SIK3: variants seen among roughly 807,000 people sequenced by gnomAD.
The protein encoded by SIK3 is SIK family kinase 3.
Under a neutral mutation model 144.2 loss-of-function variants are expected in SIK3, and 28 were observed. That is an observed-to-expected ratio of 0.19 (90% CI 0.14 to 0.27). The LOEUF is 0.27. SIK3 is among the 10% of genes least tolerant of loss of function. The pLI is 1.00. For synonymous variants in SIK3, 686 were observed against 676.3 expected, an observed-to-expected ratio of 1.01 and a Z score of -0.22; for missense variants, 1,319 against 1,776.0, an observed-to-expected ratio of 0.74 and a Z score of 4.62.
At chr11:116,991,391 G>A (rs1950496846) in intron 1 of SIK3, among the ~76,000 whole-genome samples, 1 of 152,200 alleles carries the variant, frequency 6.6e-6, no homozygotes, top group Non-Finnish European at 1.5e-5. Flanking sequence ...AGGTTGCAGT[G>A]AGTCGAGATC....
chr11:116,940,876 G>A (rs1201356376), intron 3 of SIK3, among the ~76,000 whole-genome samples: 3 of 151,926 alleles, frequency 2.0e-5, no homozygotes, highest in Admixed American at 6.6e-5. Flanking sequence ...AATAATAAAT[G>A]GGAAATTAAT....
At chr11:116,875,097 T>C (rs1944177131) in intron 11 of SIK3, 61 bp downstream of exon 11, 1 of 1,360,728 alleles carries the variant, frequency 7.3e-7, no homozygotes, top group African/African-American at 1.4e-5. Flanking sequence ...TGGTAGACAC[T>C]GAAAGTCAGG....
chr11:116,863,802 A>G lies in SIK3; in HGVS notation c.1969T>C (p.Ser657Pro), dbSNP rs1352937328. 2 of 1,612,568 alleles carry G rather than the reference A, an allele frequency of 1.2e-6. No homozygotes were observed. The highest frequency in any genetic ancestry group is 3.3e-5 in the Admixed American group (2 of 59,888). The change falls in exon 16 of 25, where the codon TCC becomes CCC. Residue 657 changes from serine (S) to proline (P), a missense_variant. By Grantham distance (74) the Ser-to-Pro change is moderately conservative (BLOSUM62 -1). Coordinates refer to ENST00000445177, the MANE Select transcript of SIK3 (RefSeq NM_001366686.3). ...TCCGTAGGGAGGTGCAGAGTGTTGG[A>G]GTCCTTGTAGGTAGAGCTGAATATA... The part of the protein sequence containing the change: ...PDQHRSTYKD[S>P]NTLHLPTERF...
At chr11:116,845,974 G>A (rs1418734463) in intron 24 of SIK3, among the ~76,000 whole-genome samples, 1 of 152,166 alleles carries the variant, frequency 6.6e-6, no homozygotes, top group African/African-American at 2.4e-5. Context: ...AAAAAATATG[G>A]CTGGACATAT....
At chr11:117,079,665 A>T (rs1954698576) in intron 1 of SIK3, among the ~76,000 whole-genome samples, 1 of 152,188 alleles carries the variant, frequency 6.6e-6, no homozygotes, top group South Asian at 2.1e-4. Flanking sequence ...ATTTAAAAAC[A>T]AAACCATAAA....
Position 116,844,642 on chromosome 11 carries a change from A to AT in SIK3, c.*1000dup, listed in dbSNP as rs1565345720. ...TAATATATATATAATATATTATATT[A>AT]TATATTATATATATAATATATATAT... On this transcript the variant is annotated 3_prime_UTR_variant, in exon 25 of 25. Coordinates refer to ENST00000445177, the MANE Select transcript of SIK3 (RefSeq NM_001366686.3). The AT allele has an allele frequency of 4.8e-4, 38 of 79,492 alleles. No homozygotes were observed. Among genetic ancestry groups the AT allele is most frequent in the African/African-American group, 7.6e-4 (5 of 6,576 alleles). The allele number at this position is 79,492 out of a possible 1,614,324, so 4.9% of individuals were successfully genotyped here.
chr11:116,940,986 T>TTTTGTTTG (rs139127609), intron 3 of SIK3, among the ~76,000 whole-genome samples: 3 of 151,668 alleles, frequency 2.0e-5, no homozygotes, highest in African/African-American at 7.3e-5. Flanking sequence ...ATAGCTAAGT[T>TTTTGTTTG]TTTGTTTGTT....
intron 1 of SIK3, among the ~76,000 whole-genome samples, chr11:117,078,038 T>C (rs1171465244): frequency 1.3e-5 from 2 of 152,206 alleles, no homozygotes; most frequent in African/African-American, 2.4e-5. Context: ...AAATTAGCAG[T>C]TATTTAGAAT....
intron 3 of SIK3, among the ~76,000 whole-genome samples, chr11:116,952,429 A>C (rs1690911489): frequency 6.6e-6 from 1 of 152,152 alleles, no homozygotes; most frequent in African/African-American, 2.4e-5. Flanking sequence ...AGATAATGAA[A>C]GTTTTCTATT....
rs1404234091 is a variant in SIK3 at position 116,857,598 on chromosome 11, T to G, written c.3655+212A>C. On this transcript the variant is annotated intron_variant, in intron 21 of 24. Coordinates refer to ENST00000445177, the MANE Select transcript of SIK3 (RefSeq NM_001366686.3). ...TGGATCATCTATCTTATTGACTAAG[T>G]GTTAATTTTGTATCATGGTCCTTTG... is the stretch of plus-strand genomic sequence containing the variant. 5.8e-6 allele frequency: 4 copies of G among 693,042 alleles called. No individual in the cohort carries two copies. The East Asian group carries it at 1.1e-4, about 20-fold the overall frequency. The allele number at this position is 693,042 out of a possible 1,614,324, so 42.9% of individuals were successfully genotyped here. A position where few individuals can be genotyped will look rare whatever the true frequency, so the allele number is the denominator to read the frequency against.
At chr11:116,978,936 G>A (rs1279031144) in intron 1 of SIK3, among the ~76,000 whole-genome samples, 1 of 152,124 alleles carries the variant, frequency 6.6e-6, no homozygotes, top group Non-Finnish European at 1.5e-5. Flanking sequence ...TATACCAACT[G>A]TATTTATGCT....
At chr11:117,027,692 CCT>C (rs966032976) in intron 1 of SIK3, among the ~76,000 whole-genome samples, 1 of 151,896 alleles carries the variant, frequency 6.6e-6, no homozygotes, top group Non-Finnish European at 1.5e-5. Context: ...GTCCTGAACT[CCT>C]GACCTCAGGT....
At chr11:116,904,300 T>G (rs1298670520) in intron 4 of SIK3, among the ~76,000 whole-genome samples, 1 of 152,122 alleles carries the variant, frequency 6.6e-6, no homozygotes, top group East Asian at 1.9e-4. Flanking sequence ...TAGAATTAAC[T>G]CGCTAAGTTC....
Position 116,849,407 on chromosome 11 carries a change from C to A in SIK3, c.3656-124G>T. 8.5e-7 allele frequency: 1 copy of A among 1,172,306 alleles called. No individual in the cohort carries two copies. The highest frequency in any genetic ancestry group is 1.2e-6 in the Non-Finnish European group (1 of 830,916). 72.6% of individuals were successfully genotyped at this position (1,172,306 alleles called of 1,614,324 possible). ...CTGAGGAGATCATGTACACCAACCG[C>A]TGATCCTCAGCCGGCGTCATGGCTT... On this transcript the variant is annotated intron_variant, in intron 21 of 24. Transcript: ENST00000445177. This position sits in a 1 kb window ranked among gnomAD's most constrained non-coding sequence, Gnocchi z 4.2.
At chr11:116,855,880 T>C (rs147522503) in intron 21 of SIK3, among the ~76,000 whole-genome samples, 297 of 152,344 alleles carry the variant, frequency 1.9e-3, no homozygotes, top group African/African-American at 6.3e-3. Context: ...TGAATCCGTA[T>C]GTGAACAGCA....
Position 117,031,687 on chromosome 11 carries a change from A to ATTTT in SIK3, c.273+66452_273+66455dup, listed in dbSNP as rs57524562. Among the ~76,000 whole-genome samples, 318 of 81,528 alleles carry ATTTT rather than the reference A, an allele frequency of 3.9e-3. 14 individuals carry two copies. Among genetic ancestry groups the ATTTT allele is most frequent in the African/African-American group, 0.015 (269 of 17,506 alleles). 53.5% of individuals were successfully genotyped at this position (81,528 alleles called of 152,430 possible). A position where few individuals can be genotyped will look rare whatever the true frequency, so the allele number is the denominator to read the frequency against. On this transcript the variant is annotated intron_variant, in intron 1 of 24. Transcript: ENST00000445177. ...TGGCATGTACCACCACACCCGGCTA[A>ATTTT]TTTTTTTTTTTTTTTTTTTTTTTTT... is the stretch of plus-strand genomic sequence containing the variant.
intron 14 of SIK3, chr11:116,869,143 T>C (rs772320772): frequency 1.3e-5 from 2 of 152,144 alleles, no homozygotes; most frequent in Non-Finnish European, 2.9e-5. Context: ...TAACCTTATA[T>C]ACCCTCTTAT....
intron 1 of SIK3, among the ~76,000 whole-genome samples, chr11:117,094,963 T>G (rs940923952): frequency 6.6e-6 from 1 of 152,078 alleles, no homozygotes; most frequent in South Asian, 2.1e-4. Flanking sequence ...ATATGAAGTC[T>G]GAGCTCATGA....
At chr11:117,006,779 G>T (rs1470482642) in intron 1 of SIK3, among the ~76,000 whole-genome samples, 1 of 152,136 alleles carries the variant, frequency 6.6e-6, no homozygotes, top group Non-Finnish European at 1.5e-5. Context: ...CCTAAGGATG[G>T]GATAACAAAA....
Sources: allele counts gnomAD v4.1 joint callset (sites outside exome capture counted in the v4.1 genomes callset), GRCh38; gene constraint gnomAD v4.1.1; non-coding constraint Gnocchi (gnomAD v3.1); transcripts MANE v1.5; gene names NCBI Gene and HGNC (gene_info 2026-07-23, HGNC 2026-07-21).